SYCP1: variants seen among roughly 807,000 people sequenced by gnomAD.
SYCP1 encodes the protein synaptonemal complex protein 1.
A neutral mutation model predicts 153.1 loss-of-function variants in SYCP1; 64 were observed. The ratio of observed to expected loss-of-function variants is 0.42; its 90% CI spans 0.34 to 0.51. The LOEUF is 0.51. Ranked by LOEUF, SYCP1 falls within the 20% of genes least tolerant of loss-of-function variation. The probability of loss-of-function intolerance (pLI) is 0.06; values close to 1 mark genes in which losing one functional copy is unlikely to be tolerated. For synonymous variants in SYCP1, 384 were observed against 341.8 expected (o/e 1.12, Z -1.36); for missense variants, 997 against 1,049.0 (o/e 0.95, Z 0.68).
chr1:114,910,349 A>G (rs745327058), intron 16 of SYCP1, 48 bp from the exon 17 acceptor site: 1 of 1,315,288 alleles, frequency 7.6e-7, no homozygotes, highest in Non-Finnish European at 1.1e-6. Flanking sequence ...GATTACTTTC[A>G]CTATGTGTAT....
intron 8 of SYCP1, among the ~76,000 whole-genome samples, chr1:114,861,666 G>A (rs975104779): frequency 2.0e-5 from 3 of 152,066 alleles, no homozygotes; most frequent in Non-Finnish European, 4.4e-5. Context: ...TTAATTAAAT[G>A]CCTCTTAGTA....
chr1:114,900,183 C>T lies in SYCP1; in HGVS notation c.1320+4674C>T, dbSNP rs569745846. ...AGAGTTTTTGCAAGATTAGTTTTTA[C>T]AATCCTTCCACCACTTGTTTGAACT... On this transcript the variant is annotated intron_variant, in intron 16 of 31. Transcript: ENST00000369522. 5.6e-4 allele frequency among the ~76,000 whole-genome samples: 85 copies of T among 152,296 alleles called. 1 individual carries two copies. The highest frequency in any genetic ancestry group is 1.0e-3 in the Non-Finnish European group (69 of 68,018).
At chr1:114,891,823 A>T (rs1262156718) in intron 15 of SYCP1, among the ~76,000 whole-genome samples, 2 of 152,328 alleles carry the variant, frequency 1.3e-5, no homozygotes, top group East Asian at 3.9e-4. Flanking sequence ...AGCCTTGGAT[A>T]TGTAATGAGG....
Position 114,995,027 on chromosome 1 carries a change from G to A in SYCP1, c.*8G>A, listed in dbSNP as rs1241671013. 2.5e-6 allele frequency: 4 copies of A among 1,593,938 alleles called. No individual in the cohort carries two copies. The Admixed American group carries it at 7.1e-5, about 28-fold the overall frequency. On this transcript the variant is annotated 3_prime_UTR_variant, in exon 32 of 32. Transcript: ENST00000369522. ...GAAAAGTTATTTGTTTAATTTCAGA[G>A]AATCAGTGTAGTTAAGGAGCCTAAT...
intron 27 of SYCP1, among the ~76,000 whole-genome samples, chr1:114,970,070 G>C (rs543308633): frequency 6.6e-6 from 1 of 152,290 alleles, no homozygotes; most frequent in East Asian, 1.9e-4. Context: ...GGGAGCTGCA[G>C]ACCAGATCTG....
chr1:114,964,353 G>A (rs537748330), intron 27 of SYCP1, among the ~76,000 whole-genome samples: 17 of 152,200 alleles, frequency 1.1e-4, no homozygotes, highest in African/African-American at 3.9e-4. Context: ...AGTTTCTTTG[G>A]CTGTGCAGAA....
rs554305880 is a variant in SYCP1, at chr1:114,892,901, G to A, written c.1259-2547G>A. ...TCCTGGGGGCTGGGCTCTCAAAATGGTACGGGGCTATAGCTGCTTAGAACT... is the reference window on the plus strand; with the variant it reads ...TCCTGGGGGCTGGGCTCTCAAAATGATACGGGGCTATAGCTGCTTAGAACT... On this transcript the variant is annotated intron_variant, in intron 15 of 31. Transcript: ENST00000369522. Among the ~76,000 whole-genome samples, 5 of 152,156 alleles carry A rather than the reference G, an allele frequency of 3.3e-5. No homozygotes were observed. In the South Asian group the frequency reaches 1.0e-3, roughly 32 times the overall value.
At chr1:114,957,127 C>A (rs549528552) in intron 27 of SYCP1, among the ~76,000 whole-genome samples, 2 of 151,482 alleles carry the variant, frequency 1.3e-5, no homozygotes, top group East Asian at 2.0e-4. Flanking sequence ...TGCAATGGTA[C>A]AATCATAGCT....
chr1:114,994,666 C>A (rs1674154752), intron 30 of SYCP1, 32 bp from the exon 31 acceptor site: 4 of 1,476,956 alleles, frequency 2.7e-6, no homozygotes, highest in Non-Finnish European at 3.6e-6. Flanking sequence ...TGATGGTAAA[C>A]CCAACATCAT....
chr1:114,923,411 A>C (rs368068708), intron 20 of SYCP1, 38 bp from the exon 21 acceptor site: 30 of 1,519,478 alleles, frequency 2.0e-5, no homozygotes, highest in Non-Finnish European at 2.6e-5. Flanking sequence ...TAGGCCTAAT[A>C]ATTTTTAGTA....
chr1:114,868,625 G>T (rs1445553525), intron 8 of SYCP1, among the ~76,000 whole-genome samples: 3 of 152,170 alleles, frequency 2.0e-5, no homozygotes, highest in Non-Finnish European at 1.5e-5. Context: ...GTAGAGAATT[G>T]GTATAGTTTC....
At chr1:114,980,866 T>G (rs1673105694) in intron 28 of SYCP1, among the ~76,000 whole-genome samples, 1 of 151,922 alleles carries the variant, frequency 6.6e-6, no homozygotes, top group Non-Finnish European at 1.5e-5. Flanking sequence ...TTGTACAGAT[T>G]ATTTTGTCAC....
At chr1:114,963,820 G>A (rs902642880) in intron 27 of SYCP1, among the ~76,000 whole-genome samples, 2 of 152,166 alleles carry the variant, frequency 1.3e-5, no homozygotes, top group Non-Finnish European at 2.9e-5. Context: ...TGTGAATAAT[G>A]CTGCAGCAAA....
chr1:114,978,486 T>G (rs1672940374), intron 28 of SYCP1, among the ~76,000 whole-genome samples: 1 of 151,630 alleles, frequency 6.6e-6, no homozygotes. Context: ...GAAGGAAACA[T>G]CAGTCATAGA....
At chr1:114,907,147 G>T (rs1428417813) in intron 16 of SYCP1, among the ~76,000 whole-genome samples, 1 of 152,042 alleles carries the variant, frequency 6.6e-6, no homozygotes. Context: ...GCCACTCCAT[G>T]TTTCTTATGC....
intron 9 of SYCP1, 23 bp from the exon 10 acceptor site, chr1:114,876,046 A>G: frequency 6.7e-7 from 1 of 1,496,188 alleles, no homozygotes; most frequent in Non-Finnish European, 9.0e-7. Context: ...TTTAAGTATG[A>G]TTCTTAAAAC....
At chr1:114,977,928 T>G (rs1179710325) in intron 28 of SYCP1, among the ~76,000 whole-genome samples, 1 of 151,516 alleles carries the variant, frequency 6.6e-6, no homozygotes, top group Non-Finnish European at 1.5e-5. Context: ...TGTGTTTCTC[T>G]CTTAAGAATT....
chr1:114,911,651 AT>A, intron 18 of SYCP1, 69 bp downstream of exon 18: 1 of 677,296 alleles, frequency 1.5e-6, no homozygotes. Context: ...ATAAATAATA[AT>A]TTAGTAAATT....
chr1:114,923,659 C>A, intron 21 of SYCP1, 129 bp downstream of exon 21: 1 of 911,984 alleles, frequency 1.1e-6, no homozygotes, highest in Non-Finnish European at 1.5e-6. Flanking sequence ...CTGTCATCAG[C>A]CATCAACCTT....
Sources: allele counts gnomAD v4.1 joint callset (sites outside exome capture counted in the v4.1 genomes callset), GRCh38; gene constraint gnomAD v4.1.1; transcripts MANE v1.5; gene names NCBI Gene and HGNC (gene_info 2026-07-23, HGNC 2026-07-21).